Variants in KLHL4 observed in about 807,000 individuals in gnomAD.
KLHL4 encodes kelch like family member 4.
Under a neutral mutation model 45.8 loss-of-function variants are expected in KLHL4, and 17 were observed. That is an observed-to-expected ratio of 0.37 (90% CI 0.25 to 0.56). KLHL4 has a LOEUF of 0.56. Ranked by LOEUF, KLHL4 falls within the 20% of genes least tolerant of loss-of-function variation. The probability of loss-of-function intolerance (pLI) is 0.79; values close to 1 mark genes in which losing one functional copy is unlikely to be tolerated. For missense variants in KLHL4, 544 were observed against 544.9 expected, an observed-to-expected ratio of 1.00 and a Z score of 0.02; for synonymous variants, 224 against 189.9, an observed-to-expected ratio of 1.18 and a Z score of -1.47.
At chrX:87,518,436 C>A in intron 1 of KLHL4, 121 bp downstream of exon 1, 1 of 592,550 alleles carries the variant, frequency 1.7e-6, no homozygotes, top group Non-Finnish European at 2.6e-6. Context: ...TTCAGCCAAT[C>A]AGAGTCTCTC....
intron 1 of KLHL4, among the ~76,000 whole-genome samples, chrX:87,532,889 C>T (rs1456424203): frequency 3.6e-5 from 4 of 110,406 alleles, no homozygotes; most frequent in African/African-American, 9.9e-5. Flanking sequence ...AAAAAGTGGG[C>T]AAAGGACATG....
At chrX:87,562,147 A>G (rs902285169) in intron 1 of KLHL4, among the ~76,000 whole-genome samples, 5 of 108,951 alleles carry the variant, frequency 4.6e-5, no homozygotes, top group African/African-American at 1.7e-4. Flanking sequence ...TTTTGCTTTC[A>G]CCTTGAGTAC....
At position 87,664,798 on chromosome X, in the gene KLHL4, G is replaced by T. The variant is rs755244451; in HGVS notation, c.1960G>T (p.Ala654Ser). The change falls in exon 10 of 11, where the codon GCA (alanine) becomes TCA (serine). Residue 654 changes from alanine (A) to serine (S), a missense_variant. Ala to Ser is a moderately conservative substitution (Grantham distance 99). Transcript: ENST00000373119. ...AAAAGGTGATTCATGGTCAACTGTG[G>T]CACCTCTGAGTGTTCCTCGAGATGC... Reference protein sequence around the residue: ...DPKGDSWSTVAPLSVPRDAVA... With the variant: ...DPKGDSWSTVSPLSVPRDAVA... 2 of 1,202,453 alleles carry T rather than the reference G, an allele frequency of 1.7e-6. No individual in the cohort carries two copies. Among genetic ancestry groups the T allele is most frequent in the Admixed American group, 4.5e-5 (2 of 44,914 alleles).
chrX:87,646,748 G>T (rs1408991451), intron 9 of KLHL4, among the ~76,000 whole-genome samples: 1 of 111,582 alleles, frequency 9.0e-6, no homozygotes, highest in Non-Finnish European at 1.9e-5. Context: ...ATCAAGTCAA[G>T]ATGGATCAAA....
Position 87,668,928 on chromosome X carries a change from A to C in KLHL4, c.*2394A>C, listed in dbSNP as rs1303479391. On this transcript the variant is annotated 3_prime_UTR_variant, in exon 11 of 11. Transcript: ENST00000373119. The stretch of plus-strand genomic sequence containing the variant: ...TGTTTTAAGCCTCAGAAAATGAACT[A>C]AGACAATGCCCTAGATGAGCTGCCA... 1.3e-6 allele frequency: 1 copy of C among 750,651 alleles called. No homozygotes were observed. The highest frequency in any genetic ancestry group is 1.6e-6 in the Non-Finnish European group (1 of 637,135). The allele number at this position is 750,651 out of a possible 1,213,427, so 61.9% of individuals were successfully genotyped here. A position where few individuals can be genotyped will look rare whatever the true frequency, so the allele number is the denominator to read the frequency against.
intron 9 of KLHL4, among the ~76,000 whole-genome samples, chrX:87,643,179 AC>A (rs1418698607): frequency 1.7e-4 from 19 of 111,974 alleles, no homozygotes; most frequent in African/African-American, 6.2e-4. Context: ...AGCAAGATTA[AC>A]CAAGAAAAGA....
At chrX:87,566,384 A>G (rs1405589427) in intron 1 of KLHL4, among the ~76,000 whole-genome samples, 1 of 111,636 alleles carries the variant, frequency 9.0e-6, no homozygotes, top group Non-Finnish European at 1.9e-5. Flanking sequence ...AAAGTCCATC[A>G]TAAGTTGAAA....
intron 1 of KLHL4, among the ~76,000 whole-genome samples, chrX:87,560,845 T>G (rs1275111298): frequency 8.9e-6 from 1 of 111,747 alleles, no homozygotes; most frequent in East Asian, 2.8e-4. Context: ...CTTTATTCAA[T>G]TGTAGGTGAT....
intron 9 of KLHL4, among the ~76,000 whole-genome samples, chrX:87,650,768 C>T (rs996712083): frequency 9.0e-6 from 1 of 111,528 alleles, no homozygotes; most frequent in Non-Finnish European, 1.9e-5. Flanking sequence ...TAAAGACATA[C>T]CTGAGACTGG....
chrX:87,580,794 T>G (rs1442066414), intron 1 of KLHL4, among the ~76,000 whole-genome samples: 1 of 112,091 alleles, frequency 8.9e-6, no homozygotes, highest in African/African-American at 3.2e-5. Context: ...AATAATTGAT[T>G]GAATATCCAG....
chrX:87,539,748 C>CATT (rs1931512172), intron 1 of KLHL4, among the ~76,000 whole-genome samples: 1 of 111,174 alleles, frequency 9.0e-6, no homozygotes. Flanking sequence ...TAACATGCAG[C>CATT]ATTACTCTAT....
At chrX:87,657,693 T>C (rs764194934) in intron 9 of KLHL4, among the ~76,000 whole-genome samples, 18 of 111,001 alleles carry the variant, frequency 1.6e-4, no homozygotes, top group Non-Finnish European at 3.0e-4. Flanking sequence ...GGTAGTAAGG[T>C]CTGTGCTTGA....
chrX:87,632,499 C>G (rs1923129951), intron 7 of KLHL4, 65 bp downstream of exon 7: 11 of 742,302 alleles, frequency 1.5e-5, no homozygotes, highest in Middle Eastern at 7.3e-4. Context: ...AAAATTAAAT[C>G]TAGCAGCACA....
At position 87,552,418 on chromosome X, in the gene KLHL4, TGTG is replaced by T. The variant is rs1452276623; in HGVS notation, c.422+34107_422+34109del. Among the ~76,000 whole-genome samples, 778 of 111,210 alleles carry T rather than the reference TGTG, an allele frequency of 7.0e-3. 6 individuals are homozygous for T. Among genetic ancestry groups the T allele is most frequent in the African/African-American group, 0.024 (740 of 30,715 alleles). ...TAAAAACAGCAGATGTTGGCATTGA[TGTG>T]GTGATCAGGGGACATTTCTACACTG... On this transcript the variant is annotated intron_variant, in intron 1 of 10. Transcript: ENST00000373119.
intron 9 of KLHL4, among the ~76,000 whole-genome samples, chrX:87,642,369 TG>T (rs1455519052): frequency 9.0e-6 from 1 of 111,569 alleles, no homozygotes; most frequent in Non-Finnish European, 1.9e-5. Context: ...GAACATCCTG[TG>T]GGACAAAAGA....
At chrX:87,584,055 A>G (rs2213676) in intron 1 of KLHL4, among the ~76,000 whole-genome samples, 26,894 of 110,802 alleles carry the variant, frequency 0.24, 2,757 homozygotes, top group East Asian at 0.5. Flanking sequence ...AAAAGGAACA[A>G]AAGTCTCTGC....
At chrX:87,539,755 CTATT>C (rs1348412241) in intron 1 of KLHL4, among the ~76,000 whole-genome samples, 1 of 111,265 alleles carries the variant, frequency 9.0e-6, no homozygotes, top group Non-Finnish European at 1.9e-5. Flanking sequence ...CAGCATTACT[CTATT>C]TAGTAAACTT....
intron 1 of KLHL4, among the ~76,000 whole-genome samples, chrX:87,543,692 G>C (rs1007470459): frequency 8.1e-5 from 9 of 111,453 alleles, no homozygotes; most frequent in African/African-American, 2.9e-4. Context: ...GGAATCATCA[G>C]TCCCAGGGGT....
chrX:87,614,791 T>C (rs113125800), intron 3 of KLHL4, among the ~76,000 whole-genome samples: 4,653 of 110,356 alleles, frequency 0.042, 252 homozygotes, highest in African/African-American at 0.15. Flanking sequence ...CTCGATAATA[T>C]AAAAGAAGAA....
Sources: allele counts gnomAD v4.1 joint callset (sites outside exome capture counted in the v4.1 genomes callset), GRCh38; gene constraint gnomAD v4.1.1; transcripts MANE v1.5; gene names NCBI Gene and HGNC (gene_info 2026-07-23, HGNC 2026-07-21).